The following ZNF385C variants were observed in gnomAD, a reference collection of about 807,000 sequenced individuals.
ZNF385C encodes CTD-2132N18.2.
A neutral mutation model predicts 35.4 loss-of-function variants in ZNF385C; 28 were observed. The ratio of observed to expected loss-of-function variants is 0.79; its 90% CI spans 0.59 to 1.08. The LOEUF (loss-of-function observed/expected upper bound fraction) is 1.08. Ranked by LOEUF, ZNF385C falls within the 50% of genes least tolerant of loss-of-function variation. The probability of loss-of-function intolerance (pLI) is 0.00; values close to 1 mark genes in which losing one functional copy is unlikely to be tolerated. For missense variants in ZNF385C, 605 were observed against 595.6 expected (o/e 1.02, Z -0.16); for synonymous variants, 248 against 248.2 (o/e 1.00, Z 0.01).
At chr17:42,088,667 CA>C (rs1282049732) in intron 1 of ZNF385C, among the ~76,000 whole-genome samples, 2 of 152,220 alleles carry the variant, frequency 1.3e-5, no homozygotes, top group African/African-American at 4.8e-5. Context: ...CGACTCTGTA[CA>C]AACTCCAAGT....
chr17:42,091,152 G>T (rs991635549), intron 1 of ZNF385C, among the ~76,000 whole-genome samples: 2 of 151,934 alleles, frequency 1.3e-5, no homozygotes, highest in African/African-American at 2.4e-5. Flanking sequence ...GACTGGCTGC[G>T]CATGGTGGCA....
At chr17:42,092,068 G>T (rs782165153) in intron 1 of ZNF385C, among the ~76,000 whole-genome samples, 1 of 152,204 alleles carries the variant, frequency 6.6e-6, no homozygotes, top group African/African-American at 2.4e-5. Context: ...TTCTGCGAAA[G>T]TTCCTTTGCT....
At chr17:42,079,837 A>G (rs557623613) in intron 1 of ZNF385C, among the ~76,000 whole-genome samples, 22 of 152,186 alleles carry the variant, frequency 1.4e-4, no homozygotes, top group African/African-American at 5.3e-4. Context: ...AAAAAGAAAG[A>G]AGACAAACAG....
At chr17:42,030,029 A>C (rs1267920546) in intron 5 of ZNF385C, among the ~76,000 whole-genome samples, 1 of 150,018 alleles carries the variant, frequency 6.7e-6, no homozygotes, top group Non-Finnish European at 1.5e-5. Context: ...CCCTGTCTCA[A>C]AAAAAAAAAG....
intron 2 of ZNF385C, chr17:42,039,872 G>A (rs1474919036): frequency 8.1e-6 from 10 of 1,231,322 alleles, no homozygotes; most frequent in Middle Eastern, 3.1e-4. Context: ...CGCAGCTCCC[G>A]GCTGCGGCCG....
intron 1 of ZNF385C, among the ~76,000 whole-genome samples, chr17:42,096,994 AC>A (rs1242976982): frequency 6.9e-6 from 1 of 144,800 alleles, no homozygotes; most frequent in Non-Finnish European, 1.5e-5. Flanking sequence ...AAAAAAAAAA[AC>A]CCTTCCACTC....
chr17:42,074,549 G>A (rs571144774), intron 1 of ZNF385C, among the ~76,000 whole-genome samples: 27 of 152,206 alleles, frequency 1.8e-4, no homozygotes, highest in Non-Finnish European at 2.4e-4. Context: ...ATGCCACTAC[G>A]CTAGGTTATT....
In ZNF385C at chr17:42,095,869, C is replaced by T. The variant is rs1033737476; in HGVS notation, c.-3+2541G>A. Among the ~76,000 whole-genome samples, 2 of 152,152 alleles carry T rather than the reference C, an allele frequency of 1.3e-5. No homozygotes were observed. The highest frequency in any genetic ancestry group is 1.9e-4 in the East Asian group (1 of 5,180). On this transcript the variant is annotated intron_variant, in intron 1 of 8. Transcript: ENST00000692273. The surrounding 1 kb of genome is among the most constrained non-coding windows in gnomAD (Gnocchi z 4.4). ...AGGCCCACCTGGAACACTCACAGGG[C>T]CTGGGGCAAGGGGACAAATGGCGGC... is the stretch of plus-strand genomic sequence containing the variant.
At chr17:42,060,101 C>T (rs1372906504) in intron 2 of ZNF385C, among the ~76,000 whole-genome samples, 1 of 152,130 alleles carries the variant, frequency 6.6e-6, no homozygotes, top group Non-Finnish European at 1.5e-5. Flanking sequence ...CTGGCCTTCC[C>T]CACTCAGTGT....
intron 2 of ZNF385C, among the ~76,000 whole-genome samples, chr17:42,049,651 G>A (rs1239265363): frequency 6.6e-6 from 1 of 152,222 alleles, no homozygotes; most frequent in Non-Finnish European, 1.5e-5. Flanking sequence ...GGGGCAGAGG[G>A]GTGCAAAAGC....
chr17:42,069,076 A>G (rs2053587804), intron 1 of ZNF385C, among the ~76,000 whole-genome samples: 1 of 152,182 alleles, frequency 6.6e-6, no homozygotes, highest in South Asian at 2.1e-4. Context: ...TTTCTACAGG[A>G]AGCTGGTTAA....
At chr17:42,077,569 T>C (rs1221599553) in intron 1 of ZNF385C, among the ~76,000 whole-genome samples, 1 of 152,084 alleles carries the variant, frequency 6.6e-6, no homozygotes, top group East Asian at 1.9e-4. Context: ...ACTACAAAGA[T>C]AAGAGGTGGT....
intron 1 of ZNF385C, among the ~76,000 whole-genome samples, chr17:42,082,916 A>G (rs2053764249): frequency 6.6e-6 from 1 of 152,144 alleles, no homozygotes; most frequent in Admixed American, 6.5e-5. Flanking sequence ...CGTCTCTACT[A>G]AAAATACAAA....
intron 1 of ZNF385C, among the ~76,000 whole-genome samples, chr17:42,090,277 C>CTTTT (rs1162613191): frequency 1.0e-5 from 1 of 98,892 alleles, no homozygotes; most frequent in Non-Finnish European, 1.8e-5. Flanking sequence ...CTCTTATTCC[C>CTTTT]TTTTTTTTTT....
intron 3 of ZNF385C, among the ~76,000 whole-genome samples, chr17:42,036,453 G>A (rs1462138000): frequency 9.2e-5 from 14 of 152,058 alleles, no homozygotes; most frequent in Non-Finnish European, 1.8e-4. Context: ...AGCACTTTGG[G>A]AGGCCGAGGT....
At chr17:42,097,479 C>T (rs1555661059) in intron 1 of ZNF385C, among the ~76,000 whole-genome samples, 1 of 152,142 alleles carries the variant, frequency 6.6e-6, no homozygotes, top group Non-Finnish European at 1.5e-5. Flanking sequence ...TGTCCAAAGG[C>T]TTGCGATGAT....
intron 2 of ZNF385C, among the ~76,000 whole-genome samples, chr17:42,057,137 TAAACA>T (rs1196716216): frequency 7.9e-5 from 12 of 151,754 alleles, no homozygotes; most frequent in Admixed American, 6.6e-4. Flanking sequence ...GTTGTCTCAA[TAAACA>T]AAACAAAACA....
At chr17:42,037,245 C>T (rs1408025298) in intron 3 of ZNF385C, among the ~76,000 whole-genome samples, 2 of 152,136 alleles carry the variant, frequency 1.3e-5, no homozygotes, top group African/African-American at 4.8e-5. Context: ...ATTGTGCAGG[C>T]ACATACCTTA....
chr17:42,083,996 G>C (rs1315450188), intron 1 of ZNF385C, among the ~76,000 whole-genome samples: 2 of 152,010 alleles, frequency 1.3e-5, no homozygotes, highest in Non-Finnish European at 2.9e-5. Context: ...CAGGATGGCA[G>C]GCGTGAGCCA....
Sources: allele counts gnomAD v4.1 joint callset (sites outside exome capture counted in the v4.1 genomes callset), GRCh38; gene constraint gnomAD v4.1.1; non-coding constraint Gnocchi (gnomAD v3.1); transcripts MANE v1.5; gene names NCBI Gene and HGNC (gene_info 2026-07-23, HGNC 2026-07-21).